The following FAM107B variants were observed in gnomAD, a reference collection of about 807,000 sequenced individuals.
FAM107B encodes the protein protein FAM107B.
In FAM107B, 21 loss-of-function variants were observed where a neutral mutation model predicts 31.5. The ratio of observed to expected loss-of-function variants is 0.67; its 90% confidence interval spans 0.47 to 0.96. The LOEUF is 0.96. Among genes scored for constraint, FAM107B ranks in the 40% least tolerant of loss-of-function variants. The probability of loss-of-function intolerance (pLI) is 0.00; values close to 1 mark genes in which losing one functional copy is unlikely to be tolerated. For synonymous variants in FAM107B, 157 were observed against 141.5 expected (o/e 1.11, Z -0.78); for missense variants, 452 against 377.1 (o/e 1.20, Z -1.64).
chr10:14,607,964 T>C (rs1432594957), intron 2 of FAM107B, among the ~76,000 whole-genome samples: 1 of 152,204 alleles, frequency 6.6e-6, no homozygotes, highest in African/African-American at 2.4e-5. Flanking sequence ...AGCTTGGACA[T>C]CTGGAGATCT....
intron 2 of FAM107B, among the ~76,000 whole-genome samples, chr10:14,582,766 G>A (rs886713881): frequency 1.3e-5 from 2 of 152,076 alleles, no homozygotes; most frequent in African/African-American, 4.8e-5. Context: ...ACTCTATGAA[G>A]GAGGCACTAT....
At chr10:14,588,115 T>C (rs1851902283) in intron 2 of FAM107B, among the ~76,000 whole-genome samples, 1 of 152,164 alleles carries the variant, frequency 6.6e-6, no homozygotes, top group Admixed American at 6.5e-5. Context: ...ACAGCGCTTC[T>C]GAAGAGGATA....
intron 1 of FAM107B, among the ~76,000 whole-genome samples, chr10:14,756,024 G>T (rs1325648247): frequency 2.0e-5 from 3 of 152,100 alleles, no homozygotes; most frequent in Admixed American, 6.5e-5. Context: ...AAATTTAAGG[G>T]CAGGGGCTCT....
rs191398449 is a variant in FAM107B at position 14,663,158 on chromosome 10, G to A, written c.469+4476C>T. 8.5e-5 allele frequency among the ~76,000 whole-genome samples: 13 copies of A among 152,352 alleles called. No individual in the cohort carries two copies. In the East Asian group the frequency reaches 2.5e-3, roughly 29 times the overall value. On this transcript the variant is annotated intron_variant, in intron 2 of 4. Transcript: ENST00000181796. Reference sequence around the variant, plus strand: ...CCAGGCCTTCGGCCACAGACTGAAGGCTGCACTGTCGGCTTCCCTACTTTT... The same window carrying A: ...CCAGGCCTTCGGCCACAGACTGAAGACTGCACTGTCGGCTTCCCTACTTTT...
chr10:14,553,897 A>T lies in FAM107B; in HGVS notation c.470-23382T>A, dbSNP rs76298016. Among the ~76,000 whole-genome samples the T allele has an allele frequency of 4.8e-3, 738 of 152,310 alleles. 3 individuals are homozygous for T. Among genetic ancestry groups the T allele is most frequent in the Non-Finnish European group, 8.4e-3 (572 of 68,022 alleles). ...AAACTTGCCCAAATTCATAAAATTC[A>T]TAACAATTAATAATGGGAGGGCCAG... On this transcript the variant is annotated intron_variant, in intron 2 of 4. Coordinates refer to ENST00000181796, the MANE Select transcript of FAM107B (RefSeq NM_031453.4).
chr10:14,744,028 T>C (rs1832676290), intron 1 of FAM107B, among the ~76,000 whole-genome samples: 1 of 152,222 alleles, frequency 6.6e-6, no homozygotes, highest in Non-Finnish European at 1.5e-5. Context: ...TCTGATTTCT[T>C]TGGGCAGTGG....
intron 2 of FAM107B, among the ~76,000 whole-genome samples, chr10:14,541,852 G>T (rs554844399): frequency 6.6e-6 from 1 of 152,134 alleles, no homozygotes; most frequent in Non-Finnish European, 1.5e-5. Context: ...TGGAGCTGCC[G>T]ACTCCTTGTG....
chr10:14,715,544 A>G (rs1278397153), intron 1 of FAM107B, among the ~76,000 whole-genome samples: 4 of 152,198 alleles, frequency 2.6e-5, no homozygotes, highest in Non-Finnish European at 5.9e-5. Context: ...TTGGTGAAAC[A>G]TGATTTCTGG....
intron 2 of FAM107B, chr10:14,571,767 GA>G: frequency 1.0e-6 from 1 of 985,146 alleles, no homozygotes; most frequent in Non-Finnish European, 1.2e-6. Flanking sequence ...TCTTACCTCA[GA>G]TATCTATTTT....
At chr10:14,614,625 A>G (rs1053490523) in intron 2 of FAM107B, among the ~76,000 whole-genome samples, 45 of 149,406 alleles carry the variant, frequency 3.0e-4, no homozygotes, top group African/African-American at 1.1e-3. Flanking sequence ...GTGAACCAAG[A>G]TCGTGCCATT....
intron 1 of FAM107B, among the ~76,000 whole-genome samples, chr10:14,681,042 C>A (rs996238267): frequency 4.6e-5 from 7 of 152,204 alleles, no homozygotes; most frequent in Non-Finnish European, 7.3e-5. Context: ...TGGAGGTTTG[C>A]CACCTTCACT....
chr10:14,740,381 A>G (rs1333545093), intron 1 of FAM107B, among the ~76,000 whole-genome samples: 1 of 152,252 alleles, frequency 6.6e-6, no homozygotes, highest in Non-Finnish European at 1.5e-5. Context: ...TATGATTCCA[A>G]CTTTATGACA....
At chr10:14,644,933 T>C (rs976829027) in intron 2 of FAM107B, among the ~76,000 whole-genome samples, 3 of 152,208 alleles carry the variant, frequency 2.0e-5, no homozygotes, top group South Asian at 4.1e-4. Context: ...TCTGGTCTAG[T>C]AGGTGCTCAA....
intron 1 of FAM107B, among the ~76,000 whole-genome samples, chr10:14,747,360 G>A (rs1453652174): frequency 6.6e-6 from 1 of 152,152 alleles, no homozygotes; most frequent in Non-Finnish European, 1.5e-5. Context: ...TGATCATTTG[G>A]AGAAGAGGCA....
intron 2 of FAM107B, among the ~76,000 whole-genome samples, chr10:14,588,006 A>G (rs575432745): frequency 6.6e-6 from 1 of 152,210 alleles, no homozygotes; most frequent in African/African-American, 2.4e-5. Context: ...TTTAAAAAAG[A>G]CTATCTAATG....
At chr10:14,716,863 G>GT (rs1206436053) in intron 1 of FAM107B, among the ~76,000 whole-genome samples, 1 of 152,190 alleles carries the variant, frequency 6.6e-6, no homozygotes, top group Admixed American at 6.5e-5. Flanking sequence ...GACGAGACAG[G>GT]TTGATCACCT....
chr10:14,702,565 T>C (rs1463852843), intron 1 of FAM107B, among the ~76,000 whole-genome samples: 2 of 152,040 alleles, frequency 1.3e-5, no homozygotes, highest in Admixed American at 6.6e-5. Flanking sequence ...GGCCAGGCTG[T>C]TCTCAAACTC....
At chr10:14,619,708 T>TAAAAAAAAAA (rs3995551) in intron 2 of FAM107B, among the ~76,000 whole-genome samples, 2 of 104,632 alleles carry the variant, frequency 1.9e-5, no homozygotes, top group East Asian at 3.0e-4. Flanking sequence ...GTGTCCTAGC[T>TAAAAAAAAAA]AAAAAAAAAA....
chr10:14,774,520 A>G lies in FAM107B; in HGVS notation c.144T>C (p.Thr48=). Residue 48 remains threonine (T), a synonymous_variant, in exon 1 of 5, where the codon ACT becomes ACC. Coordinates refer to ENST00000181796, the MANE Select transcript of FAM107B (RefSeq NM_031453.4). ...CAGGCTGCACACGGACGGTGGAATG[A>G]GTATCAGCCACGCCGGACTGATTGA... ...ASFNQSGVAD[T]HSTVRVQPVA... 1 of 1,614,166 alleles carries G rather than the reference A, an allele frequency of 6.2e-7. No homozygotes were observed. The highest frequency in any genetic ancestry group is 2.2e-5 in the East Asian group (1 of 44,876).
Sources: allele counts gnomAD v4.1 joint callset (sites outside exome capture counted in the v4.1 genomes callset), GRCh38; gene constraint gnomAD v4.1.1; transcripts MANE v1.5; gene names NCBI Gene and HGNC (gene_info 2026-07-23, HGNC 2026-07-21).